DYNC2H1: variants seen among roughly 807,000 people sequenced by gnomAD.
The protein encoded by DYNC2H1 is dynein cytoplasmic 2 heavy chain 1.
DYNC2H1 carries 410 observed loss-of-function variants against 570.0 expected under a neutral mutation model. The observed-to-expected ratio is 0.72, with a 90% confidence interval of 0.66 to 0.78. DYNC2H1 has a LOEUF of 0.78. Among genes scored for constraint, DYNC2H1 ranks in the 30% least tolerant of loss-of-function variants. The pLI is 0.00. For synonymous variants in DYNC2H1, 1,688 were observed against 1,677.6 expected (o/e 1.01, Z -0.15); for missense variants, 4,865 against 5,046.4 (o/e 0.96, Z 1.09).
At chr11:103,462,396 T>C (rs890746103) in intron 87 of DYNC2H1, among the ~76,000 whole-genome samples, 2 of 135,704 alleles carry the variant, frequency 1.5e-5, no homozygotes, top group Non-Finnish European at 3.3e-5. Flanking sequence ...ACACGTGTTG[T>C]TTTCTTGTTT....
chr11:103,324,932 G>A lies in DYNC2H1; in HGVS notation c.12039+942G>A, dbSNP rs552751112. On this transcript the variant is annotated intron_variant, in intron 82 of 88. Transcript: ENST00000375735. The surrounding 1 kb of genome is among the most constrained non-coding windows in gnomAD (Gnocchi z 5.2). Reference sequence around the variant, plus strand: ...GATGGGCATGAGATGGTATCTCATTGTGGTTTTGATTTGCATTTCTCTAAT... The same window carrying A: ...GATGGGCATGAGATGGTATCTCATTATGGTTTTGATTTGCATTTCTCTAAT... Among the ~76,000 whole-genome samples the A allele has an allele frequency of 6.6e-6, 1 of 152,220 alleles. No homozygotes were observed. The highest frequency in any genetic ancestry group is 2.4e-5 in the African/African-American group (1 of 41,548).
At chr11:103,417,959 T>C (rs1358481386) in intron 84 of DYNC2H1, among the ~76,000 whole-genome samples, 3 of 135,810 alleles carry the variant, frequency 2.2e-5, no homozygotes, top group Non-Finnish European at 4.8e-5. Flanking sequence ...TACAGAAAAA[T>C]CATTAGAAAA....
chr11:103,392,809 A>G (rs1010949178), intron 83 of DYNC2H1, among the ~76,000 whole-genome samples: 1 of 152,166 alleles, frequency 6.6e-6, no homozygotes, highest in Non-Finnish European at 1.5e-5. Flanking sequence ...AAGCAAGTAC[A>G]AAAATCTCAA....
chr11:103,220,623 C>T lies in DYNC2H1; in HGVS notation c.8947C>T (p.Pro2983Ser). 1.3e-6 allele frequency: 2 copies of T among 1,598,102 alleles called. No homozygotes were observed. Among genetic ancestry groups the T allele is most frequent in the Non-Finnish European group, 1.7e-6 (2 of 1,173,056 alleles). The change falls in exon 57 of 89, where the codon CCT becomes TCT. Residue 2983 changes from proline to serine, a missense_variant and splice_region_variant. This residue lies in a region of DYNC2H1 where 2,401 missense variants were observed against 2,454.6 expected (regional missense o/e 0.98). Coordinates refer to ENST00000375735, the MANE Select transcript of DYNC2H1 (RefSeq NM_001377.3). ...TAAAAATGGCCTTTTTCTCTTTTAG[C>T]CTTTAGTCAATGAAGCTAAACTAGC... ...KIDDELKEVQPLVNEAKLAVG... is the reference protein window; with the variant it reads ...KIDDELKEVQSLVNEAKLAVG...
chr11:103,418,052 G>A (rs1299488556), intron 84 of DYNC2H1, among the ~76,000 whole-genome samples: 1 of 150,252 alleles, frequency 6.7e-6, no homozygotes, highest in Non-Finnish European at 1.5e-5. Flanking sequence ...CCAGATGAAA[G>A]GGCATCTATG....
chr11:103,156,275 G>A, intron 25 of DYNC2H1, 113 bp from the exon 26 acceptor site: 1 of 947,088 alleles, frequency 1.1e-6, no homozygotes, highest in Admixed American at 3.6e-5. Flanking sequence ...TTTTTTTTTT[G>A]CCTTATGGTG....
intron 82 of DYNC2H1, among the ~76,000 whole-genome samples, chr11:103,336,625 A>G (rs1214020518): frequency 1.3e-5 from 2 of 152,192 alleles, no homozygotes; most frequent in Admixed American, 6.5e-5. Context: ...TGTTGTTGCA[A>G]GTGACAAGAT....
At chr11:103,304,463 T>A in intron 76 of DYNC2H1, 132 bp from the exon 77 acceptor site, 1 of 1,018,368 alleles carries the variant, frequency 9.8e-7, no homozygotes, top group Non-Finnish European at 1.3e-6. Context: ...ATTAGTTTGA[T>A]TCTTCTTCCA....
At chr11:103,293,896 G>T (rs1191563927) in intron 75 of DYNC2H1, among the ~76,000 whole-genome samples, 6 of 152,006 alleles carry the variant, frequency 3.9e-5, no homozygotes, top group Admixed American at 3.9e-4. Flanking sequence ...GGCCAACATG[G>T]TGAAACCCCA....
At chr11:103,263,974 GA>G (rs377318584) in intron 70 of DYNC2H1, among the ~76,000 whole-genome samples, 5,188 of 151,914 alleles carry the variant, frequency 0.034, 297 homozygotes, top group African/African-American at 0.12. Flanking sequence ...TAATAAAGAA[GA>G]AAAGAGAGAA....
intron 11 of DYNC2H1, 149 bp downstream of exon 11, chr11:103,123,149 T>A: frequency 1.8e-6 from 1 of 550,278 alleles, no homozygotes; most frequent in Non-Finnish European, 2.8e-6. Flanking sequence ...CATCAACTTT[T>A]AATTCATTAA....
In DYNC2H1 at chr11:103,184,957, A is replaced by T; in HGVS notation, c.6539A>T (p.His2180Leu). The change falls in exon 41 of 89, where the codon CAT becomes CTT. Residue 2180 changes from histidine (H) to leucine (L), a missense_variant. This residue lies in a region of DYNC2H1 where 231 missense variants were observed against 310.3 expected (regional missense o/e 0.74). Coordinates refer to ENST00000375735, the MANE Select transcript of DYNC2H1 (RefSeq NM_001377.3). ...GTVMNGLSHL[H>L]GCRDHDEFII... Reference sequence around the variant, plus strand: ...GTGATGAATGGTTTGTCACATCTACATGGTTGCAGAGATCATGACGAATTC... The same window carrying T: ...GTGATGAATGGTTTGTCACATCTACTTGGTTGCAGAGATCATGACGAATTC... 1 of 1,611,404 alleles carries T rather than the reference A, an allele frequency of 6.2e-7. No individual in the cohort carries two copies. Among genetic ancestry groups the T allele is most frequent in the Non-Finnish European group, 8.5e-7 (1 of 1,178,186 alleles).
At chr11:103,301,892 G>A (rs1186551054) in intron 75 of DYNC2H1, among the ~76,000 whole-genome samples, 2 of 151,900 alleles carry the variant, frequency 1.3e-5, no homozygotes, top group African/African-American at 2.4e-5. Context: ...ATATATGGAA[G>A]CCTTTCTTGC....
At chr11:103,466,329 A>C (rs776150524) in intron 87 of DYNC2H1, among the ~76,000 whole-genome samples, 1 of 152,232 alleles carries the variant, frequency 6.6e-6, no homozygotes, top group Non-Finnish European at 1.5e-5. Flanking sequence ...CTGAAAGAGA[A>C]GACTTTTAGA....
In DYNC2H1 at chr11:103,479,211, G is replaced by A. The variant is rs1945666156; in HGVS notation, c.12882G>A (p.Gln4294=). The A allele has an allele frequency of 1.5e-5, 25 of 1,613,850 alleles. No individual in the cohort carries two copies. Among genetic ancestry groups the A allele is most frequent in the Non-Finnish European group, 2.1e-5 (25 of 1,179,822 alleles). The stretch of plus-strand genomic sequence containing the variant: ...TTCCATGTGGGGGCAACCAAGACCA[G>A]TGGATTCAGTGTGGAGCAGCTCTAT... ...IDVPCGGNQD[Q]WIQCGAALFL... is the part of the protein sequence containing the mutation. Residue 4294 remains glutamine, a synonymous_variant, in exon 89 of 89, where the codon CAG becomes CAA. Transcript: ENST00000375735.
chr11:103,437,871 A>G (rs935609065), intron 85 of DYNC2H1, among the ~76,000 whole-genome samples: 1 of 152,096 alleles, frequency 6.6e-6, no homozygotes, highest in African/African-American at 2.4e-5. Flanking sequence ...GTTTATAATG[A>G]TAAATATATC....
chr11:103,414,107 T>A (rs1357345905), intron 84 of DYNC2H1, among the ~76,000 whole-genome samples: 1 of 152,094 alleles, frequency 6.6e-6, no homozygotes, highest in Non-Finnish European at 1.5e-5. Context: ...GAGGTATGCA[T>A]AATGAGCCAA....
intron 88 of DYNC2H1, among the ~76,000 whole-genome samples, chr11:103,475,479 T>C (rs1945521746): frequency 6.6e-6 from 1 of 152,184 alleles, no homozygotes; most frequent in Non-Finnish European, 1.5e-5. Flanking sequence ...ACACAAAACA[T>C]TGTGCTAATA....
At chr11:103,248,003 G>T (rs1864681181) in intron 65 of DYNC2H1, among the ~76,000 whole-genome samples, 1 of 152,042 alleles carries the variant, frequency 6.6e-6, no homozygotes, top group Admixed American at 6.6e-5. Context: ...AGCCATGTTT[G>T]TTGACAAGAT....
Sources: allele counts gnomAD v4.1 joint callset (sites outside exome capture counted in the v4.1 genomes callset), GRCh38; gene constraint gnomAD v4.1.1; regional missense constraint gnomAD v4.1.1; non-coding constraint Gnocchi (gnomAD v3.1); transcripts MANE v1.5; gene names NCBI Gene and HGNC (gene_info 2026-07-23, HGNC 2026-07-21).